The following TPRX1 variants were observed in gnomAD, a reference collection of about 807,000 sequenced individuals.
TPRX1 encodes the protein tetra-peptide repeat homeobox protein 1.
Under a neutral mutation model 8.1 loss-of-function variants are expected in TPRX1, and 2 were observed. The ratio of observed to expected loss-of-function variants is 0.25; its 90% CI spans 0.10 to 0.78. The LOEUF (loss-of-function observed/expected upper bound fraction) is 0.78. Ranked by LOEUF, TPRX1 falls within the 30% of genes least tolerant of loss-of-function variation. TPRX1 has a pLI of 0.70. For missense variants in TPRX1, 517 were observed against 586.9 expected (o/e 0.88, Z 1.23); for synonymous variants, 257 against 254.1 (o/e 1.01, Z -0.11).
At chr19:47,803,075 T>C (rs35929167) in intron 3 of TPRX1, 95 bp from the exon 3 acceptor site, 851,777 of 1,388,700 alleles carry the variant, frequency 0.61, 266,240 homozygotes, top group East Asian at 0.67. Flanking sequence ...AGCCTCTCCC[T>C]GTGCTCAACA....
At chr19:47,817,629 C>T (rs892071831) in intron 2 of TPRX1, among the ~76,000 whole-genome samples, 4 of 152,194 alleles carry the variant, frequency 2.6e-5, no homozygotes, top group Admixed American at 6.5e-5. Flanking sequence ...TCTTCACCCC[C>T]GAGTCTGCCT....
chr19:47,806,413 G>A (rs1427631607), intron 2 of TPRX1, among the ~76,000 whole-genome samples: 2 of 151,912 alleles, frequency 1.3e-5, no homozygotes, highest in Non-Finnish European at 2.9e-5. Context: ...CCAGCTACTT[G>A]TTAGGCTGAG....
chr19:47,814,808 G>GT (rs1451449320), intron 2 of TPRX1, among the ~76,000 whole-genome samples: 2 of 151,962 alleles, frequency 1.3e-5, no homozygotes, highest in African/African-American at 4.8e-5. Context: ...ATACATTTTT[G>GT]TTTTTTCTGA....
chr19:47,805,310 G>A (rs769483077), intron 2 of TPRX1, among the ~76,000 whole-genome samples: 5 of 152,144 alleles, frequency 3.3e-5, no homozygotes, highest in Non-Finnish European at 5.9e-5. Flanking sequence ...GCCTCTCCAA[G>A]CTGCATAGAC....
chr19:47,811,387 G>T (rs1349208745), intron 2 of TPRX1, among the ~76,000 whole-genome samples: 1 of 151,884 alleles, frequency 6.6e-6, no homozygotes, highest in Non-Finnish European at 1.5e-5. Context: ...CCAGGGTGAG[G>T]TATTGATCGA....
intron 2 of TPRX1, among the ~76,000 whole-genome samples, chr19:47,812,109 G>A (rs573675794): frequency 4.0e-5 from 6 of 151,774 alleles, no homozygotes; most frequent in African/African-American, 1.2e-4. Context: ...CAGGTGATCC[G>A]CCCACCTCGG....
chr19:47,802,045 T>C (rs1016955304), exon 4 of TPRX1: 2 of 1,606,730 alleles, frequency 1.2e-6, no homozygotes, highest in East Asian at 2.2e-5. Context: ...ATCCTGGGCC[T>C]GGGATTGGAG....
intron 2 of TPRX1, among the ~76,000 whole-genome samples, chr19:47,815,147 A>AATATATATATATATATATATGCAAAT (rs201727601): frequency 2.0e-4 from 7 of 35,020 alleles, no homozygotes; most frequent in South Asian, 1.0e-3. Flanking sequence ...TATATATGCA[A>AATATATATATATATATATATGCAAAT]ATATATATAT....
exon 4 of TPRX1, chr19:47,802,389 G>A (rs112842028): frequency 2.3e-5 from 23 of 1,004,090 alleles, no homozygotes; most frequent in Middle Eastern, 2.6e-4. Flanking sequence ...ATTGGGCCTG[G>A]GATCGGGCCT....
intron 2 of TPRX1, among the ~76,000 whole-genome samples, chr19:47,804,283 G>A (rs1967713403): frequency 6.6e-6 from 1 of 151,632 alleles, no homozygotes; most frequent in South Asian, 2.1e-4. Context: ...TCAGAGTCCC[G>A]GGCTCAAGTG....
At chr19:47,806,502 A>G (rs1193777310) in intron 2 of TPRX1, among the ~76,000 whole-genome samples, 1 of 152,170 alleles carries the variant, frequency 6.6e-6, no homozygotes, top group Admixed American at 6.6e-5. Flanking sequence ...CCTGGGTGAC[A>G]GAGGGAGACT....
intron 3 of TPRX1, 38 bp from the exon 3 acceptor site, chr19:47,803,018 G>A (rs1277846222): frequency 1.3e-6 from 2 of 1,519,138 alleles, no homozygotes; most frequent in Admixed American, 4.2e-5. Context: ...GTGTGAAGGA[G>A]GGGCTCGCGC....
In TPRX1 at chr19:47,810,103, A is replaced by G. The variant is rs1252649322; in HGVS notation, c.152-6430T>C. The stretch of plus-strand genomic sequence containing the variant: ...AACCCTGTCTCTACTAGAAATACAA[A>G]AATGAGCTGGGTGTGGTGGAGGGCG... On this transcript the variant is annotated intron_variant, in intron 2 of 3. Coordinates refer to ENST00000535759, the Ensembl canonical transcript of TPRX1. Among the ~76,000 whole-genome samples the G allele has an allele frequency of 2.0e-5, 3 of 151,014 alleles. No homozygotes were observed. The East Asian group carries it at 6.0e-4, about 30-fold the overall frequency.
At chr19:47,801,816 T>C (rs1264343849) in exon 4 of TPRX1, 1 of 1,613,992 alleles carries the variant, frequency 6.2e-7, no homozygotes, top group Non-Finnish European at 8.5e-7. Flanking sequence ...TGATTTTCAT[T>C]CACAGAGCCA....
intron 2 of TPRX1, among the ~76,000 whole-genome samples, chr19:47,808,439 T>G (rs1967754094): frequency 6.7e-6 from 1 of 148,384 alleles, no homozygotes; most frequent in Admixed American, 6.8e-5. Flanking sequence ...ATTTATTTAT[T>G]TATTGAGACC....
At chr19:47,809,788 G>A (rs116623931) in intron 2 of TPRX1, among the ~76,000 whole-genome samples, 30 of 152,028 alleles carry the variant, frequency 2.0e-4, no homozygotes, top group African/African-American at 7.0e-4. Flanking sequence ...GCCTTTTCTC[G>A]TCCTGATGTG....
In TPRX1 at chr19:47,801,793, C is replaced by A. The variant is rs150702728; in HGVS notation, c.1509G>T (p.Arg503Ser). The A allele has an allele frequency of 4.5e-5, 73 of 1,613,394 alleles. No individual in the cohort carries two copies. The African/African-American group carries it at 8.0e-4, about 18-fold the overall frequency. Residue 503 changes from arginine to serine, a missense_variant, in exon 4 of 4, where the codon AGG (arginine) becomes AGT (serine). By Grantham distance (110) the Arg-to-Ser change is moderately radical. Around this residue, in one of 3 missense-constraint regions of TPRX1, gnomAD observed 506 missense variants for 515.5 expected, o/e 0.98. Coordinates refer to ENST00000535759, the Ensembl canonical transcript of TPRX1. ...AGGCCCCCTATAAATCCAGTAATAA[C>A]CTGGGGCCTGAGTGATTTTCATTCA...
At chr19:47,818,388 C>CCCCTCCCTCCCTCCA (rs1568618571) in intron 2 of TPRX1, 1 of 341,736 alleles carries the variant, frequency 2.9e-6, no homozygotes, top group Non-Finnish European at 5.8e-6. Context: ...CCATCCATCC[C>CCCCTCCCTCCCTCCA]TCCATCCATC....
exon 4 of TPRX1, chr19:47,802,367 A>T (rs759087943): frequency 3.0e-5 from 38 of 1,258,960 alleles, no homozygotes; most frequent in Admixed American, 2.6e-4. Flanking sequence ...TGGGCCTGAG[A>T]TTGGGCCTGA....
Sources: gnomAD v4.1 joint callset for allele counts (sites outside exome capture counted in the v4.1 genomes callset) on GRCh38, gnomAD v4.1.1 for gene constraint, gnomAD v4.1.1 regional missense constraint, MANE v1.5 for transcripts, NCBI Gene and HGNC (gene_info 2026-07-23, HGNC 2026-07-21) for gene names.